The following RBFOX1 variants were observed in gnomAD, a reference collection of about 807,000 sequenced individuals.
The protein encoded by RBFOX1 is RNA binding protein fox-1 homolog 1.
Under a neutral mutation model 57.7 loss-of-function variants are expected in RBFOX1, and 8 were observed. The observed-to-expected ratio is 0.14, with a 90% confidence interval of 0.08 to 0.25. The LOEUF (loss-of-function observed/expected upper bound fraction) is 0.25, where lower values mean the gene tolerates loss of function less well. Ranked by LOEUF, RBFOX1 falls within the 10% of genes least tolerant of loss-of-function variation. The pLI, the probability that RBFOX1 is intolerant of heterozygous loss-of-function variation, is 1.00. For missense variants in RBFOX1, 611 were observed against 548.5 expected (o/e 1.11, Z -1.14); for synonymous variants, 326 against 222.4 (o/e 1.47, Z -4.15).
chr16:5,994,094 G>A (rs1567232266), intron 4 of RBFOX1, among the ~76,000 whole-genome samples: 1 of 152,150 alleles, frequency 6.6e-6, no homozygotes, highest in South Asian at 2.1e-4. Flanking sequence ...GGGCTCGTTC[G>A]ACTCTCTCTG....
At chr16:7,685,068 T>C (rs2075767201) in intron 14 of RBFOX1, among the ~76,000 whole-genome samples, 2 of 152,056 alleles carry the variant, frequency 1.3e-5, no homozygotes, top group Non-Finnish European at 2.9e-5. Context: ...ACCAGGAGCC[T>C]GTGAGAATGT....
At chr16:6,102,427 C>A (rs1410476388) in intron 1 of RBFOX1, among the ~76,000 whole-genome samples, 1 of 152,152 alleles carries the variant, frequency 6.6e-6, no homozygotes, top group Admixed American at 6.5e-5. Flanking sequence ...CTAAGTCTTA[C>A]AACGGTGTCA....
intron 2 of RBFOX1, among the ~76,000 whole-genome samples, chr16:5,566,568 T>TTTTA (rs1555466875): frequency 1.3e-5 from 2 of 149,860 alleles, no homozygotes; most frequent in African/African-American, 4.9e-5. Context: ...AGGAAAGTAG[T>TTTTA]TATATATATA....
At chr16:6,448,136 T>C (rs2094522088) in intron 2 of RBFOX1, among the ~76,000 whole-genome samples, 1 of 146,030 alleles carries the variant, frequency 6.8e-6, no homozygotes, top group Admixed American at 7.1e-5. Flanking sequence ...CATTTTTCTT[T>C]TTTTTCTTTT....
chr16:6,018,863 C>G (rs998987814), upstream of RBFOX1, among the ~76,000 whole-genome samples: 1 of 152,000 alleles, frequency 6.6e-6, no homozygotes, highest in Non-Finnish European at 1.5e-5. Context: ...CTCATTGCCC[C>G]AGCATCCAAC....
intron 3 of RBFOX1, among the ~76,000 whole-genome samples, chr16:5,755,478 G>T (rs1009329920): frequency 2.0e-5 from 3 of 152,206 alleles, no homozygotes; most frequent in African/African-American, 7.2e-5. Flanking sequence ...GCTGTTGAGT[G>T]TTAGGTAGAC....
chr16:6,213,305 C>G (rs1337295831), intron 1 of RBFOX1, among the ~76,000 whole-genome samples: 1 of 152,104 alleles, frequency 6.6e-6, no homozygotes, highest in Non-Finnish European at 1.5e-5. Flanking sequence ...ATTGAGGTAT[C>G]AGCTCAGCTG....
Position 6,641,724 on chromosome 16 carries a change from G to A in RBFOX1, c.-63-12879G>A, listed in dbSNP as rs539938922. ...CAATTCAGCCTGGGTGACAGAGCAG[G>A]ACTCCGTCTCAAAAAAAAAAAAAAA... On this transcript the variant is annotated intron_variant, in intron 2 of 15. Transcript: ENST00000550418. Among the ~76,000 whole-genome samples the A allele has an allele frequency of 1.1e-4, 14 of 126,726 alleles. No homozygotes were observed. In the South Asian group the frequency reaches 3.4e-3, roughly 30 times the overall value. 83.1% of individuals were successfully genotyped at this position (126,726 alleles called of 152,430 possible).
intron 3 of RBFOX1, among the ~76,000 whole-genome samples, chr16:6,656,726 C>T (rs1052625444): frequency 3.9e-5 from 6 of 152,034 alleles, no homozygotes; most frequent in Admixed American, 2.6e-4. Context: ...AACTTGACCT[C>T]ATATGACTGA....
chr16:5,534,662 C>T (rs547733609), intron 2 of RBFOX1, among the ~76,000 whole-genome samples: 2 of 152,260 alleles, frequency 1.3e-5, no homozygotes, highest in African/African-American at 2.4e-5. Flanking sequence ...AGATGGTGCC[C>T]ACTCACACTG....
intron 3 of RBFOX1, among the ~76,000 whole-genome samples, chr16:6,691,148 A>T (rs533213899): frequency 6.6e-5 from 10 of 152,294 alleles, no homozygotes; most frequent in African/African-American, 1.9e-4. Context: ...GAAATCTCCC[A>T]ACCATGTCTT....
At chr16:5,411,095 A>G (rs1260410958) in intron 1 of RBFOX1, among the ~76,000 whole-genome samples, 1 of 152,182 alleles carries the variant, frequency 6.6e-6, no homozygotes, top group Non-Finnish European at 1.5e-5. Context: ...GGGGTCAAGT[A>G]TTTTGCATGT....
chr16:7,199,909 AAACAACAAC>A (rs146515780), intron 4 of RBFOX1, among the ~76,000 whole-genome samples: 210 of 151,936 alleles, frequency 1.4e-3, no homozygotes, highest in African/African-American at 4.9e-3. Flanking sequence ...AAACAAAACA[AAACAACAAC>A]AACAACAACA....
At chr16:5,925,722 G>A (rs1033038056) in intron 4 of RBFOX1, among the ~76,000 whole-genome samples, 1 of 152,050 alleles carries the variant, frequency 6.6e-6, no homozygotes, top group African/African-American at 2.4e-5. Context: ...ACCTAAAACT[G>A]TACATAATTG....
At chr16:7,598,036 A>G (rs1253295968) in intron 9 of RBFOX1, among the ~76,000 whole-genome samples, 1 of 152,134 alleles carries the variant, frequency 6.6e-6, no homozygotes, top group Non-Finnish European at 1.5e-5. Flanking sequence ...TATCAATAAA[A>G]CTTCTGAAAA....
intron 4 of RBFOX1, among the ~76,000 whole-genome samples, chr16:7,119,256 A>G (rs2066583851): frequency 6.6e-6 from 1 of 152,146 alleles, no homozygotes; most frequent in African/African-American, 2.4e-5. Context: ...CCATTCACAT[A>G]TGCATGTGTG....
chr16:6,962,694 G>A (rs1393808709), intron 3 of RBFOX1, among the ~76,000 whole-genome samples: 1 of 152,070 alleles, frequency 6.6e-6, no homozygotes, highest in Admixed American at 6.6e-5. Flanking sequence ...GTGAAAGTCA[G>A]CCTCTACAAA....
intron 3 of RBFOX1, among the ~76,000 whole-genome samples, chr16:5,709,387 G>A (rs2051369016): frequency 6.6e-6 from 1 of 152,114 alleles, no homozygotes; most frequent in Non-Finnish European, 1.5e-5. Context: ...TAATTGAAAT[G>A]AACCCACCTG....
intron 2 of RBFOX1, among the ~76,000 whole-genome samples, chr16:6,428,820 A>G (rs1473063020): frequency 6.6e-6 from 1 of 152,226 alleles, no homozygotes; most frequent in Non-Finnish European, 1.5e-5. Flanking sequence ...CAAAATGGCA[A>G]TGGGAAGTCT....
Sources: allele counts gnomAD v4.1 joint callset (sites outside exome capture counted in the v4.1 genomes callset), GRCh38; gene constraint gnomAD v4.1.1; transcripts MANE v1.5; gene names NCBI Gene and HGNC (gene_info 2026-07-23, HGNC 2026-07-21).